NBAS: variants seen among roughly 807,000 people sequenced by gnomAD.
The protein encoded by NBAS is NAG/BC035112 fusion.
Under a neutral mutation model 302.5 loss-of-function variants are expected in NBAS, and 219 were observed. That is an observed-to-expected ratio of 0.72 (90% CI 0.65 to 0.81). The LOEUF is 0.81. Ranked by LOEUF, NBAS falls within the 30% of genes least tolerant of loss-of-function variation. The pLI, the probability that NBAS is intolerant of heterozygous loss-of-function variation, is 0.00. For synonymous variants in NBAS, 1,118 were observed against 1,021.6 expected (o/e 1.09, Z -1.80); for missense variants, 2,932 against 2,841.6 (o/e 1.03, Z -0.72).
At chr2:15,295,143 T>C (rs1055955400) in intron 40 of NBAS, among the ~76,000 whole-genome samples, 3 of 152,232 alleles carry the variant, frequency 2.0e-5, no homozygotes. Flanking sequence ...TTAGCCTCAA[T>C]GGTAGAACCC....
At chr2:15,226,401 C>G (rs1667152863) in intron 47 of NBAS, among the ~76,000 whole-genome samples, 1 of 151,954 alleles carries the variant, frequency 6.6e-6, no homozygotes, top group Admixed American at 6.6e-5. Context: ...TTAAAGAAAA[C>G]TTACTTTTCT....
the NBAS span, among the ~76,000 whole-genome samples, chr2:14,989,433 C>T: frequency 6.6e-6 from 1 of 151,944 alleles, no homozygotes; most frequent in Non-Finnish European, 1.5e-5. Context: ...TGGCGCATGC[C>T]TATAGTACCA....
intron 23 of NBAS, among the ~76,000 whole-genome samples, chr2:15,419,326 T>TAC (rs1472388100): frequency 1.0e-4 from 8 of 76,744 alleles, no homozygotes; most frequent in Non-Finnish European, 2.0e-4. Context: ...TTCATATTCA[T>TAC]ACATATATAT....
chr2:15,534,266 C>T (rs1362553521), intron 9 of NBAS, among the ~76,000 whole-genome samples: 1 of 152,136 alleles, frequency 6.6e-6, no homozygotes, highest in African/African-American at 2.4e-5. Flanking sequence ...GTATCATACC[C>T]ATTTTACAGA....
At chr2:15,383,431 C>G in intron 28 of NBAS, 114 bp from the exon 29 acceptor site, 3 of 774,850 alleles carry the variant, frequency 3.9e-6, no homozygotes, top group Non-Finnish European at 6.9e-6. Flanking sequence ...TCTATATCCA[C>G]ATCAGCTCTC....
At chr2:15,432,704 T>C (rs779959239) in intron 21 of NBAS, among the ~76,000 whole-genome samples, 2 of 152,160 alleles carry the variant, frequency 1.3e-5, no homozygotes, top group Admixed American at 6.6e-5. Context: ...TAAAACGTTC[T>C]GGCAAGTAAA....
chr2:15,002,812 C>A, the NBAS span, among the ~76,000 whole-genome samples: 3 of 152,214 alleles, frequency 2.0e-5, no homozygotes, highest in Non-Finnish European at 4.4e-5. Context: ...GCCGGCAGGG[C>A]GGGTCAGCTG....
the NBAS span, among the ~76,000 whole-genome samples, chr2:14,782,499 C>T: frequency 7.2e-5 from 11 of 152,274 alleles, 1 homozygote; most frequent in Admixed American, 6.5e-4. Flanking sequence ...CACTTATAAA[C>T]TGTTGGTGGG....
At chr2:14,861,604 T>TTG in the NBAS span, among the ~76,000 whole-genome samples, 4 of 152,260 alleles carry the variant, frequency 2.6e-5, no homozygotes, top group Non-Finnish European at 5.9e-5. Flanking sequence ...CAAGTACTCC[T>TTG]TTGAGAAATC....
intron 45 of NBAS, among the ~76,000 whole-genome samples, chr2:15,238,218 C>T (rs1181669203): frequency 6.6e-6 from 1 of 152,190 alleles, no homozygotes. Context: ...TCCATTTCCA[C>T]CCTTCTCACC....
intron 35 of NBAS, among the ~76,000 whole-genome samples, chr2:15,331,131 T>C: frequency 6.6e-6 from 1 of 152,202 alleles, no homozygotes; most frequent in Admixed American, 6.5e-5. Context: ...TTTGAAGTAT[T>C]TATTATTTAA....
intron 19 of NBAS, among the ~76,000 whole-genome samples, chr2:15,462,246 A>G (rs2148561829): frequency 6.6e-6 from 1 of 152,334 alleles, no homozygotes; most frequent in East Asian, 1.9e-4. Flanking sequence ...GAGCTGTGAT[A>G]GGCACTGTGA....
Position 15,327,756 on chromosome 2 carries a change from T to G in NBAS, c.4576A>C (p.Thr1526Pro). 1 of 1,613,638 alleles carries G rather than the reference T, an allele frequency of 6.2e-7. No individual in the cohort carries two copies. Among genetic ancestry groups the G allele is most frequent in the Non-Finnish European group, 8.5e-7 (1 of 1,179,654 alleles). ...AKNKGEVFPTTEVLLQLASEA... is the reference protein window; with the variant it reads ...AKNKGEVFPTPEVLLQLASEA... ...CTAGAACCTTCTCTCTTACCTTCAG[T>G]TGTTGGAAATACTTCTCCTTTATTT... is the stretch of plus-strand genomic sequence containing the variant. Residue 1526 changes from threonine to proline, a missense_variant, in exon 38 of 52, where the codon ACT becomes CCT. Physicochemically the swap from Thr to Pro is conservative, Grantham distance 38 (BLOSUM62 -1). Coordinates refer to ENST00000281513, the MANE Select transcript of NBAS (RefSeq NM_015909.4).
At chr2:15,281,315 A>G (rs1669815422) in intron 42 of NBAS, among the ~76,000 whole-genome samples, 1 of 152,230 alleles carries the variant, frequency 6.6e-6, no homozygotes, top group South Asian at 2.1e-4. Context: ...CAGTTTTAAG[A>G]AACACTATAG....
the NBAS span, among the ~76,000 whole-genome samples, chr2:15,040,371 C>T: frequency 1.3e-5 from 2 of 152,222 alleles, no homozygotes; most frequent in Middle Eastern, 3.4e-3. Flanking sequence ...CTCTGATTAC[C>T]GCAAGATTGT....
chr2:14,846,542 ACTGTAG>A, the NBAS span, among the ~76,000 whole-genome samples: 18 of 137,730 alleles, frequency 1.3e-4, no homozygotes, highest in African/African-American at 6.0e-4. Context: ...ATATGATAAA[ACTGTAG>A]CTGTGGTATG....
chr2:15,395,032 T>C (rs1207953266), intron 27 of NBAS, among the ~76,000 whole-genome samples: 1 of 152,094 alleles, frequency 6.6e-6, no homozygotes, highest in Non-Finnish European at 1.5e-5. Flanking sequence ...GCATTATGTA[T>C]ACTAAAACAT....
intron 45 of NBAS, among the ~76,000 whole-genome samples, chr2:15,237,608 T>TTATTTATTTATC (rs1553349166): frequency 1.5e-5 from 2 of 134,160 alleles, no homozygotes; most frequent in Non-Finnish European, 3.2e-5. Context: ...ATTTATTTAT[T>TTATTTATTTATC]TATCTGAGAC....
At chr2:15,167,493 A>T (rs1201537618) in intron 51 of NBAS, among the ~76,000 whole-genome samples, 170 bp from the exon 52 acceptor site, 2 of 152,202 alleles carry the variant, frequency 1.3e-5, no homozygotes, top group African/African-American at 4.8e-5. Context: ...GATTGGGATG[A>T]CAGACGGGGC....
Sources: gnomAD v4.1 joint callset for allele counts (sites outside exome capture counted in the v4.1 genomes callset) on GRCh38, gnomAD v4.1.1 for gene constraint, MANE v1.5 for transcripts, NCBI Gene and HGNC (gene_info 2026-07-23, HGNC 2026-07-21) for gene names.